Variants in SYT1 observed in about 807,000 individuals in gnomAD.
SYT1 encodes synaptotagmin 1.
Under a neutral mutation model 44.8 loss-of-function variants are expected in SYT1, and 8 were observed. The observed-to-expected ratio is 0.18, with a 90% CI of 0.10 to 0.32. The LOEUF is 0.32. Among genes scored for constraint, SYT1 ranks in the 10% least tolerant of loss-of-function variants. The pLI, the probability that SYT1 is intolerant of heterozygous loss-of-function variation, is 1.00. For synonymous variants in SYT1, 154 were observed against 188.8 expected (o/e 0.82, Z 1.51); for missense variants, 286 against 509.3 (o/e 0.56, Z 4.22).
At chr12:79,019,206 T>C (rs1872016996) in intron 2 of SYT1, among the ~76,000 whole-genome samples, 1 of 152,006 alleles carries the variant, frequency 6.6e-6, no homozygotes, top group African/African-American at 2.4e-5. Context: ...TATTGTCAAA[T>C]AAAGACAGTA....
chr12:79,394,905 C>G (rs1884808313), intron 9 of SYT1, among the ~76,000 whole-genome samples: 1 of 152,176 alleles, frequency 6.6e-6, no homozygotes, highest in Non-Finnish European at 1.5e-5. Flanking sequence ...AAGTTACCTC[C>G]ATAATTACCA....
intron 8 of SYT1, among the ~76,000 whole-genome samples, chr12:79,315,627 C>T (rs1881045688): frequency 6.6e-6 from 1 of 152,112 alleles, no homozygotes; most frequent in Middle Eastern, 3.2e-3. Flanking sequence ...TTTCCTGGGG[C>T]TGTTTCAAAA....
intron 3 of SYT1, among the ~76,000 whole-genome samples, chr12:79,054,592 A>G (rs1874791605): frequency 6.6e-6 from 1 of 151,982 alleles, no homozygotes; most frequent in East Asian, 1.9e-4. Context: ...CTTTGGTACA[A>G]CTTTGGAAAT....
chr12:79,409,995 G>T (rs1468200327), intron 9 of SYT1, among the ~76,000 whole-genome samples: 1 of 151,998 alleles, frequency 6.6e-6, no homozygotes, highest in African/African-American at 2.4e-5. Flanking sequence ...AGGAATTAAT[G>T]CTGTGTGTTC....
In SYT1 at chr12:79,008,190, A is replaced by G. The variant is rs139162206; in HGVS notation, c.-84+30259A>G. Among the ~76,000 whole-genome samples the G allele has an allele frequency of 4.5e-3, 688 of 152,160 alleles. 5 individuals are homozygous for G. The highest frequency in any genetic ancestry group is 0.015 in the African/African-American group (639 of 41,536). On this transcript the variant is annotated intron_variant, in intron 2 of 10. Coordinates refer to ENST00000261205, the MANE Select transcript of SYT1 (RefSeq NM_005639.3). ...TCACCTCTTAGTTGAAACCTAAAGAATAACAACCATCCTGGAATATCTGAA... is the reference window on the plus strand; with the variant it reads ...TCACCTCTTAGTTGAAACCTAAAGAGTAACAACCATCCTGGAATATCTGAA...
intron 9 of SYT1, among the ~76,000 whole-genome samples, chr12:79,399,595 A>C (rs977265402): frequency 3.9e-5 from 6 of 152,226 alleles, no homozygotes; most frequent in Non-Finnish European, 1.5e-5. Flanking sequence ...AAGTATACTC[A>C]TTTGATGATT....
chr12:78,963,369 C>T (rs1358410464), intron 1 of SYT1, among the ~76,000 whole-genome samples: 5 of 151,864 alleles, frequency 3.3e-5, no homozygotes, highest in African/African-American at 7.3e-5. Context: ...GAAACGATGG[C>T]GTGAAAAGAC....
At chr12:79,098,881 C>T (rs553491649) in intron 3 of SYT1, among the ~76,000 whole-genome samples, 28 of 152,308 alleles carry the variant, frequency 1.8e-4, no homozygotes, top group African/African-American at 6.7e-4. Context: ...GAACAGCACA[C>T]TACACAGATT....
intron 7 of SYT1, among the ~76,000 whole-genome samples, chr12:79,297,960 G>A (rs1380590809): frequency 6.6e-6 from 1 of 152,086 alleles, no homozygotes; most frequent in Non-Finnish European, 1.5e-5. Flanking sequence ...TGTGCTAGGT[G>A]TTTTACATAT....
At chr12:79,065,202 G>A (rs556206324) in intron 3 of SYT1, among the ~76,000 whole-genome samples, 35 of 152,118 alleles carry the variant, frequency 2.3e-4, no homozygotes, top group South Asian at 8.3e-4. Flanking sequence ...GTGAAAACCC[G>A]TCTTCACAAA....
At chr12:79,132,689 A>AC (rs912163655) in intron 3 of SYT1, among the ~76,000 whole-genome samples, 1 of 150,578 alleles carries the variant, frequency 6.6e-6, no homozygotes, top group Non-Finnish European at 1.5e-5. Flanking sequence ...AAAAAAAAAA[A>AC]AAAAAAAAAA....
chr12:79,075,516 G>A (rs914306689), intron 3 of SYT1, among the ~76,000 whole-genome samples: 20 of 152,176 alleles, frequency 1.3e-4, no homozygotes, highest in South Asian at 2.1e-4. Context: ...ACACAGAATC[G>A]TCTTTTTCAC....
At chr12:79,106,137 A>C (rs1878707185) in intron 3 of SYT1, among the ~76,000 whole-genome samples, 1 of 152,208 alleles carries the variant, frequency 6.6e-6, no homozygotes, top group African/African-American at 2.4e-5. Flanking sequence ...AAGCAGTTGG[A>C]AATGCAAAAG....
chr12:79,094,820 G>A (rs931756471), intron 3 of SYT1, among the ~76,000 whole-genome samples: 1 of 151,794 alleles, frequency 6.6e-6, no homozygotes, highest in Non-Finnish European at 1.5e-5. Flanking sequence ...AAACTCAACA[G>A]CAAAAATAAT....
intron 9 of SYT1, among the ~76,000 whole-genome samples, chr12:79,414,981 C>CTTGTATTT (rs1868643223): frequency 6.6e-6 from 1 of 152,112 alleles, no homozygotes; most frequent in African/African-American, 2.4e-5. Context: ...AACACAGGTA[C>CTTGTATTT]TTGTATTTTT....
At chr12:78,940,180 T>C (rs1472022078) in intron 1 of SYT1, among the ~76,000 whole-genome samples, 1 of 152,168 alleles carries the variant, frequency 6.6e-6, no homozygotes, top group East Asian at 1.9e-4. Context: ...TTGATGATTT[T>C]TTTTTTCTAA....
At chr12:78,863,998 G>C (rs1241441921), upstream of SYT1, 1 of 152,136 alleles carries the variant, frequency 6.6e-6, no homozygotes, top group Non-Finnish European at 1.5e-5. Flanking sequence ...CCCGCATCTC[G>C]GCTCCACCGC....
intron 3 of SYT1, among the ~76,000 whole-genome samples, chr12:79,149,607 T>G (rs1253105855): frequency 6.6e-6 from 1 of 152,162 alleles, no homozygotes; most frequent in Non-Finnish European, 1.5e-5. Context: ...CCTTTGCCCT[T>G]GAAGAATCCA....
At chr12:78,986,028 A>G (rs1230753467) in intron 2 of SYT1, among the ~76,000 whole-genome samples, 1 of 152,042 alleles carries the variant, frequency 6.6e-6, no homozygotes, top group Non-Finnish European at 1.5e-5. Flanking sequence ...TATGTAACCT[A>G]GTATTCAAAA....
Sources: gnomAD v4.1 joint callset for allele counts (sites outside exome capture counted in the v4.1 genomes callset) on GRCh38, gnomAD v4.1.1 for gene constraint, MANE v1.5 for transcripts, NCBI Gene and HGNC (gene_info 2026-07-23, HGNC 2026-07-21) for gene names.